Variants in HS6ST1 observed in about 807,000 individuals in gnomAD.
HS6ST1 encodes the protein heparan sulfate 6-O-sulfotransferase 1.
Under a neutral mutation model 25.2 loss-of-function variants are expected in HS6ST1, and 3 were observed. The observed-to-expected ratio is 0.12, with a 90% CI of 0.05 to 0.31. The LOEUF (loss-of-function observed/expected upper bound fraction) is 0.31, where lower values mean the gene tolerates loss of function less well. HS6ST1 is among the 10% of genes least tolerant of loss of function. HS6ST1 has a pLI of 1.00. For missense variants in HS6ST1, 310 were observed against 609.6 expected (o/e 0.51, Z 5.18); for synonymous variants, 204 against 275.1 (o/e 0.74, Z 2.56).
chr2:128,293,390 T>C (rs1011798740), intron 1 of HS6ST1, among the ~76,000 whole-genome samples: 23 of 152,336 alleles, frequency 1.5e-4, no homozygotes, highest in Admixed American at 3.3e-4. Flanking sequence ...CCTAAAGCCA[T>C]GAGTAAAGCT....
chr2:128,300,120 T>C (rs920363864), intron 1 of HS6ST1, among the ~76,000 whole-genome samples: 9 of 152,058 alleles, frequency 5.9e-5, no homozygotes, highest in African/African-American at 2.2e-4. Context: ...CTCTGTAAAA[T>C]GGGGGGCTTC....
chr2:128,307,180 T>C (rs1694226457), intron 1 of HS6ST1, among the ~76,000 whole-genome samples: 1 of 152,140 alleles, frequency 6.6e-6, no homozygotes, highest in African/African-American at 2.4e-5. Flanking sequence ...AGGAACTGTC[T>C]GCTTGTCTGG....
intron 1 of HS6ST1, among the ~76,000 whole-genome samples, chr2:128,269,949 G>A (rs1235602697): frequency 6.6e-6 from 1 of 152,218 alleles, no homozygotes; most frequent in African/African-American, 2.4e-5. Context: ...AGCGCTTCTT[G>A]GTGTCCGCTG....
chr2:128,318,120 C>T lies in HS6ST1; in HGVS notation c.444G>A (p.Gly148=). 6.5e-7 allele frequency: 1 copy of T among 1,526,720 alleles called. No individual in the cohort carries two copies. Among genetic ancestry groups the T allele is most frequent in the Non-Finnish European group, 8.8e-7 (1 of 1,137,632 alleles). 94.6% of individuals were successfully genotyped at this position (1,526,720 alleles called of 1,614,324 possible). A position where few individuals can be genotyped will look rare whatever the true frequency, so the allele number is the denominator to read the frequency against. ...FSRFSTGWSC[G]LHADWTELTN... is the part of the protein sequence containing the mutation. ...TGAGCTCGGTCCAGTCGGCGTGCAG[C>T]CCGCAGCTCCAGCCGGTGGAGAAGC... Residue 148 remains glycine (G), a synonymous_variant, in exon 1 of 2, where the codon GGG becomes GGA. Coordinates refer to ENST00000259241, the MANE Select transcript of HS6ST1 (RefSeq NM_004807.3). The surrounding 1 kb of genome is among the most constrained non-coding windows in gnomAD (Gnocchi z 5.7).
chr2:128,303,461 G>A (rs1482298374), intron 1 of HS6ST1, among the ~76,000 whole-genome samples: 4 of 152,212 alleles, frequency 2.6e-5, no homozygotes, highest in Non-Finnish European at 4.4e-5. Context: ...CAAAACCGAA[G>A]AGAAGTACCT....
In HS6ST1 at chr2:128,267,975, T is replaced by C; in HGVS notation, c.*187A>G. ...CCTCTGACCCACTGGGCTGCACCTG[T>C]TGATTTCTCAAGCCCCCATCCCTGC... On this transcript the variant is annotated 3_prime_UTR_variant, in exon 2 of 2. Coordinates refer to ENST00000259241, the MANE Select transcript of HS6ST1 (RefSeq NM_004807.3). The C allele has an allele frequency of 3.2e-6, 2 of 619,268 alleles. No individual in the cohort carries two copies. The highest frequency in any genetic ancestry group is 2.8e-5 in the Admixed American group (1 of 36,162). 38.4% of individuals were successfully genotyped at this position (619,268 alleles called of 1,614,324 possible).
intron 1 of HS6ST1, among the ~76,000 whole-genome samples, chr2:128,286,431 G>A (rs906298107): frequency 1.3e-5 from 2 of 151,932 alleles, no homozygotes; most frequent in African/African-American, 4.8e-5. Context: ...AGGACGAGGA[G>A]GAGCAGGCCT....
rs1279381502 is a variant in HS6ST1 at position 128,265,840 on chromosome 2, G to A, written c.*2322C>T. 6.6e-6 allele frequency: 1 copy of A among 152,196 alleles called. No individual in the cohort carries two copies. The highest frequency in any genetic ancestry group is 1.5e-5 in the Non-Finnish European group (1 of 68,058). The allele number at this position is 152,196 out of a possible 1,614,324, so 9.4% of individuals were successfully genotyped here. On this transcript the variant is annotated 3_prime_UTR_variant, in exon 2 of 2. Coordinates refer to ENST00000259241, the MANE Select transcript of HS6ST1 (RefSeq NM_004807.3). Reference sequence around the variant, plus strand: ...TCACAGCCCTGGGAGGGCCCCGGTGGACAGAGTCCTTACAATTTAGGAGAT... The same window carrying A: ...TCACAGCCCTGGGAGGGCCCCGGTGAACAGAGTCCTTACAATTTAGGAGAT...
intron 1 of HS6ST1, among the ~76,000 whole-genome samples, chr2:128,317,156 C>T (rs1694383747): frequency 6.6e-6 from 1 of 152,228 alleles, no homozygotes; most frequent in Non-Finnish European, 1.5e-5. Flanking sequence ...TGCTGGAAAC[C>T]CAGCAGCACC....
chr2:128,274,956 TCC>T (rs1362944141), intron 1 of HS6ST1, among the ~76,000 whole-genome samples: 1 of 100,066 alleles, frequency 1.0e-5, no homozygotes. Context: ...AGAGCGAGAC[TCC>T]GTCTCAAAAA....
chr2:128,288,679 G>A (rs1348845953), intron 1 of HS6ST1, among the ~76,000 whole-genome samples: 1 of 141,364 alleles, frequency 7.1e-6, no homozygotes, highest in Non-Finnish European at 1.5e-5. Flanking sequence ...GCATGTATTA[G>A]AAAACAAACA....
intron 1 of HS6ST1, among the ~76,000 whole-genome samples, chr2:128,269,351 G>T (rs947137670): frequency 1.3e-5 from 2 of 152,128 alleles, no homozygotes; most frequent in African/African-American, 2.4e-5. Flanking sequence ...TGGGGGGGGG[G>T]TGCCCAGCGG....
intron 1 of HS6ST1, among the ~76,000 whole-genome samples, chr2:128,299,743 G>A (rs1220544236): frequency 6.6e-6 from 1 of 152,228 alleles, no homozygotes; most frequent in Non-Finnish European, 1.5e-5. Context: ...GAGAGACAGA[G>A]GCACACAGGG....
chr2:128,318,007 G>A lies in HS6ST1; in HGVS notation c.527+30C>T, dbSNP rs898658423. ...ACGGCCCGGCCTCGGGGGCGCAGCT[G>A]CGCGAGGATCCCGCCGCCCGGGCGC... On this transcript the variant is annotated intron_variant, in intron 1 of 1. Coordinates refer to ENST00000259241, the MANE Select transcript of HS6ST1 (RefSeq NM_004807.3). This position sits in a 1 kb window ranked among gnomAD's most constrained non-coding sequence, Gnocchi z 5.7. 2.8e-6 allele frequency: 4 copies of A among 1,434,006 alleles called. No homozygotes were observed. The highest frequency in any genetic ancestry group is 1.5e-5 in the African/African-American group (1 of 66,532). 88.8% of individuals were successfully genotyped at this position (1,434,006 alleles called of 1,614,324 possible).
chr2:128,303,867 G>A (rs1198794084), intron 1 of HS6ST1, among the ~76,000 whole-genome samples: 6 of 152,254 alleles, frequency 3.9e-5, no homozygotes, highest in African/African-American at 1.4e-4. Flanking sequence ...ATTGGCATTT[G>A]AATGGGTGGA....
intron 1 of HS6ST1, among the ~76,000 whole-genome samples, chr2:128,307,811 C>T (rs1694234963): frequency 6.6e-6 from 1 of 152,164 alleles, no homozygotes; most frequent in African/African-American, 2.4e-5. Context: ...TGAGGAGAAC[C>T]TCCCTCTGAC....
rs367812264 is a variant in HS6ST1 at position 128,307,131 on chromosome 2, C to T, written c.527+10906G>A. Among the ~76,000 whole-genome samples the T allele has an allele frequency of 1.4e-3, 207 of 152,268 alleles. 1 individual carries two copies. Among genetic ancestry groups the T allele is most frequent in the African/African-American group, 4.6e-3 (192 of 41,544 alleles). On this transcript the variant is annotated intron_variant, in intron 1 of 1. Transcript: ENST00000259241. ...CAACTCAATCTCAAAGGGACTCCAA[C>T]ACATGCGGCAAAATCGCTGTGAGGG...
intron 1 of HS6ST1, among the ~76,000 whole-genome samples, chr2:128,274,382 G>T (rs948103792): frequency 8.5e-5 from 13 of 152,262 alleles, no homozygotes; most frequent in African/African-American, 2.9e-4. Context: ...TTGGAGCACG[G>T]TCTTCAAAAG....
In HS6ST1 at chr2:128,318,471, G is replaced by A. The variant is rs781082145; in HGVS notation, c.93C>T (p.Ile31=). 7 of 1,573,750 alleles carry A rather than the reference G, an allele frequency of 4.4e-6. No homozygotes were observed. The highest frequency in any genetic ancestry group is 6.0e-6 in the Non-Finnish European group (7 of 1,163,404). ...GTCCTGGGCCCGCGTACTGGTACAA[G>A]ATGAGCATGAAGCACACCGAGCCCG... ...VVAGSVCFML[I]LYQYAGPGLS... Residue 31 remains isoleucine, a synonymous_variant, in exon 1 of 2, where the codon ATC becomes ATT. Coordinates refer to ENST00000259241, the MANE Select transcript of HS6ST1 (RefSeq NM_004807.3). This position sits in a 1 kb window ranked among gnomAD's most constrained non-coding sequence, Gnocchi z 5.7.
Sources: allele counts gnomAD v4.1 joint callset (sites outside exome capture counted in the v4.1 genomes callset), GRCh38; gene constraint gnomAD v4.1.1; non-coding constraint Gnocchi (gnomAD v3.1); transcripts MANE v1.5; gene names NCBI Gene and HGNC (gene_info 2026-07-23, HGNC 2026-07-21).